CAST: variants seen among roughly 807,000 people sequenced by gnomAD.
CAST encodes calpastatin.
CAST carries 76 observed loss-of-function variants against 119.6 expected under a neutral mutation model. That is an observed-to-expected ratio of 0.64 (90% confidence interval 0.53 to 0.77). The LOEUF (loss-of-function observed/expected upper bound fraction) is 0.77. Among genes scored for constraint, CAST ranks in the 30% least tolerant of loss-of-function variants. CAST has a pLI of 0.00. For synonymous variants in CAST, 319 were observed against 331.6 expected (o/e 0.96, Z 0.41); for missense variants, 953 against 946.5 (o/e 1.01, Z -0.09).
intron 1 of CAST, among the ~76,000 whole-genome samples, chr5:96,646,147 GAGA>G (rs1212347535): frequency 3.9e-5 from 6 of 152,188 alleles, no homozygotes; most frequent in Admixed American, 1.3e-4. Context: ...CAATATTGCA[GAGA>G]AGGAGGTACT....
At chr5:96,223,246 G>A in the CAST span, among the ~76,000 whole-genome samples, 1 of 152,070 alleles carries the variant, frequency 6.6e-6, no homozygotes, top group South Asian at 2.1e-4. Context: ...TAGATTACAT[G>A]TTTCAAAGTA....
chr5:96,533,329 A>G (rs1580813041), intron 1 of CAST, among the ~76,000 whole-genome samples: 1 of 152,286 alleles, frequency 6.6e-6, no homozygotes, highest in South Asian at 2.1e-4. Context: ...CAGAACTACC[A>G]AGGAAAATCT....
the CAST span, among the ~76,000 whole-genome samples, chr5:96,261,195 C>T: frequency 3.3e-5 from 5 of 152,194 alleles, no homozygotes; most frequent in Non-Finnish European, 1.5e-5. Context: ...GGTATATCAG[C>T]ATTGCCCATG....
the CAST span, chr5:96,210,197 G>C: frequency 6.6e-6 from 1 of 151,824 alleles, no homozygotes; most frequent in Admixed American, 6.6e-5. Flanking sequence ...TATCATTCCA[G>C]TTTTAGTATA....
At chr5:96,352,855 C>T in the CAST span, among the ~76,000 whole-genome samples, 1 of 152,136 alleles carries the variant, frequency 6.6e-6, no homozygotes, top group Non-Finnish European at 1.5e-5. Flanking sequence ...AAAAGTGTGG[C>T]ACTTCCCCCC....
chr5:96,564,661 G>A (rs1220602276), intron 1 of CAST, among the ~76,000 whole-genome samples: 2 of 152,242 alleles, frequency 1.3e-5, no homozygotes, highest in Non-Finnish European at 2.9e-5. Context: ...GCTCATGCCT[G>A]TAATCCCAGC....
chr5:96,653,331 A>C (rs1054850983), intron 1 of CAST, among the ~76,000 whole-genome samples: 1 of 152,252 alleles, frequency 6.6e-6, no homozygotes, highest in African/African-American at 2.4e-5. Context: ...ATTCATAATA[A>C]ATAAATGCTG....
intron 28 of CAST, 141 bp from the exon 29 acceptor site, chr5:96,767,761 TTACAA>T (rs1302335692): frequency 6.3e-6 from 4 of 630,090 alleles, no homozygotes; most frequent in East Asian, 2.7e-5. Context: ...TCTATCTCCT[TTACAA>T]TACATTATTA....
At chr5:96,276,110 A>G in the CAST span, among the ~76,000 whole-genome samples, 1 of 152,186 alleles carries the variant, frequency 6.6e-6, no homozygotes, top group Non-Finnish European at 1.5e-5. Context: ...GGTTGCTGGT[A>G]GATCTTTGTG....
chr5:96,246,839 T>C, the CAST span, among the ~76,000 whole-genome samples: 4 of 152,234 alleles, frequency 2.6e-5, no homozygotes, highest in African/African-American at 9.6e-5. Flanking sequence ...AATATTGAAG[T>C]ATAATAATTT....
intron 2 of CAST, chr5:96,679,754 C>T (rs1751122293): frequency 6.6e-6 from 1 of 152,156 alleles, no homozygotes; most frequent in African/African-American, 2.4e-5. Context: ...GTTTACCTCT[C>T]CTCCTTTTAG....
upstream of CAST, among the ~76,000 whole-genome samples, chr5:96,528,861 C>A (rs1745640761): frequency 6.6e-6 from 1 of 152,190 alleles, no homozygotes; most frequent in Admixed American, 6.5e-5. Flanking sequence ...CTTATTCTGC[C>A]TGTCATTTCT....
At chr5:96,038,135 C>A in the CAST span, among the ~76,000 whole-genome samples, 14 of 152,196 alleles carry the variant, frequency 9.2e-5, no homozygotes, top group Admixed American at 4.6e-4. Context: ...AAAAGCTAGT[C>A]ATACATAGGA....
chr5:95,997,461 G>T, the CAST span, among the ~76,000 whole-genome samples: 1 of 140,982 alleles, frequency 7.1e-6, no homozygotes, highest in Non-Finnish European at 1.5e-5. Context: ...CCAGATGAAA[G>T]CTCAATTATT....
the CAST span, among the ~76,000 whole-genome samples, chr5:96,346,570 C>T: frequency 6.2e-3 from 938 of 152,264 alleles, 9 homozygotes; most frequent in African/African-American, 0.022. Context: ...TATTCTACCA[C>T]TGGATACACA....
At chr5:96,111,903 T>C in the CAST span, among the ~76,000 whole-genome samples, 1 of 152,054 alleles carries the variant, frequency 6.6e-6, no homozygotes, top group African/African-American at 2.4e-5. Flanking sequence ...CACTTTGGCC[T>C]CCCAAAATGC....
At chr5:96,025,163 C>T in the CAST span, among the ~76,000 whole-genome samples, 412 of 152,192 alleles carry the variant, frequency 2.7e-3, 1 homozygote, top group African/African-American at 8.9e-3. Flanking sequence ...AACAAATTAC[C>T]GTAGGCTAGG....
intron 2 of CAST, among the ~76,000 whole-genome samples, chr5:96,684,999 A>G (rs1213495111): frequency 6.6e-6 from 1 of 151,798 alleles, no homozygotes; most frequent in African/African-American, 2.4e-5. Context: ...TGGATAGGGA[A>G]TGGTATTAAA....
At chr5:96,668,342 A>T (rs1246118469) in intron 1 of CAST, among the ~76,000 whole-genome samples, 1 of 152,242 alleles carries the variant, frequency 6.6e-6, no homozygotes. Context: ...TGAGATAGAC[A>T]AAGTACTAAA....
Sources: gnomAD v4.1 joint callset for allele counts (sites outside exome capture counted in the v4.1 genomes callset) on GRCh38, gnomAD v4.1.1 for gene constraint, MANE v1.5 for transcripts, NCBI Gene and HGNC (gene_info 2026-07-23, HGNC 2026-07-21) for gene names.